The following IL1R2 variants were observed in gnomAD, a reference collection of about 807,000 sequenced individuals.
IL1R2 encodes the protein interleukin 1 receptor type 2.
In IL1R2, 46 loss-of-function variants were observed where a neutral mutation model predicts 39.5. That is an observed-to-expected ratio of 1.16 (90% CI 0.92 to 1.49). The LOEUF (loss-of-function observed/expected upper bound fraction) is 1.49, where lower values mean the gene tolerates loss of function less well. Among genes scored for constraint, IL1R2 ranks in the 40% most tolerant of loss-of-function variants. The pLI, the probability that IL1R2 is intolerant of heterozygous loss-of-function variation, is 0.00. For synonymous variants in IL1R2, 207 were observed against 189.6 expected, an observed-to-expected ratio of 1.09 and a Z score of -0.75; for missense variants, 537 against 502.0, an observed-to-expected ratio of 1.07 and a Z score of -0.67.
At chr2:102,020,502 A>G (rs959065984) in intron 5 of IL1R2, among the ~76,000 whole-genome samples, 4 of 152,356 alleles carry the variant, frequency 2.6e-5, no homozygotes, top group African/African-American at 4.8e-5. Flanking sequence ...TTTATACTGA[A>G]TAATGATCAC....
intron 4 of IL1R2, among the ~76,000 whole-genome samples, chr2:102,016,903 T>C (rs933879285): frequency 6.6e-6 from 1 of 152,216 alleles, no homozygotes; most frequent in Non-Finnish European, 1.5e-5. Flanking sequence ...GATGACTGTA[T>C]TTTAAAGAAT....
chr2:102,026,424 G>A (rs976573513), intron 8 of IL1R2, among the ~76,000 whole-genome samples, 171 bp downstream of exon 8: 2 of 152,204 alleles, frequency 1.3e-5, no homozygotes, highest in East Asian at 1.9e-4. Flanking sequence ...TTGGTAGGGT[G>A]GAGGCTGGAC....
intron 5 of IL1R2, among the ~76,000 whole-genome samples, chr2:102,020,329 A>G (rs1277049227): frequency 6.6e-6 from 1 of 152,200 alleles, no homozygotes; most frequent in Non-Finnish European, 1.5e-5. Flanking sequence ...GCCATTGATT[A>G]AAAGGAGTTT....
At chr2:102,011,213 T>C (rs1676610287) in intron 3 of IL1R2, among the ~76,000 whole-genome samples, 1 of 152,228 alleles carries the variant, frequency 6.6e-6, no homozygotes, top group Non-Finnish European at 1.5e-5. Flanking sequence ...TGTGAAGATA[T>C]CTGTTCAAAT....
rs1441195989 is a variant in IL1R2, at chr2:102,026,252, A to C, written c.1029A>C (p.Glu343Asp). The C allele has an allele frequency of 1.2e-6, 2 of 1,607,642 alleles. No homozygotes were observed. The highest frequency in any genetic ancestry group is 1.7e-6 in the Non-Finnish European group (2 of 1,177,362). The change falls in exon 8 of 9, where the codon GAA (glutamate) becomes GAC (aspartate). Residue 343 changes from glutamate to aspartate, a missense_variant and splice_region_variant. Glu to Asp is a conservative substitution (Grantham distance 45). Coordinates refer to ENST00000332549, the MANE Select transcript of IL1R2 (RefSeq NM_004633.4). Reference protein sequence around the residue: ...SFQTLRTTVKEASSTFSWGIV... With the variant: ...SFQTLRTTVKDASSTFSWGIV... ...AGACACTACGCACCACAGTCAAGGA[A>C]GGTATGTATGTATTTTGGGGAGCAC...
In IL1R2 at chr2:102,015,972, CA is replaced by C; in HGVS notation, c.436del (p.Thr146ProfsTer5). 1 of 1,613,938 alleles carries C rather than the reference CA, an allele frequency of 6.2e-7. No homozygotes were observed. The highest frequency in any genetic ancestry group is 8.5e-7 in the Non-Finnish European group (1 of 1,179,796). On this transcript the variant is annotated frameshift_variant, in exon 4 of 9. Coordinates refer to ENST00000332549, the MANE Select transcript of IL1R2 (RefSeq NM_004633.4). LOFTEE classifies it high-confidence loss of function. ...TCATACCCGCAAATTTTAACCTTGT[CA>C]ACCTCTGGGGTATTAGTATGCCCTG... ...FISYPQILTL[S>X]TSGVLVCPDL...
At chr2:101,998,463 T>G (rs1018513416) in intron 1 of IL1R2, among the ~76,000 whole-genome samples, 1 of 152,258 alleles carries the variant, frequency 6.6e-6, no homozygotes. Flanking sequence ...TCACCTGTTG[T>G]TGCATGAAAA....
chr2:102,010,541 G>A (rs909039337), intron 3 of IL1R2, among the ~76,000 whole-genome samples: 6 of 150,414 alleles, frequency 4.0e-5, no homozygotes, highest in Non-Finnish European at 5.9e-5. Context: ...GAGCCACTGC[G>A]CTCCAGGCTG....
intron 5 of IL1R2, among the ~76,000 whole-genome samples, chr2:102,020,987 G>C (rs941881706): frequency 3.3e-5 from 5 of 152,180 alleles, no homozygotes; most frequent in African/African-American, 1.2e-4. Context: ...CAAGCCCCCG[G>C]GTGATGCTGG....
At chr2:102,009,499 G>A in intron 2 of IL1R2, 63 bp from the exon 3 acceptor site, 1 of 1,554,222 alleles carries the variant, frequency 6.4e-7, no homozygotes. Flanking sequence ...CAGGTGCAGG[G>A]AGGTTTTATG....
chr2:101,995,700 T>C (rs1490031627), intron 1 of IL1R2, among the ~76,000 whole-genome samples: 1 of 152,190 alleles, frequency 6.6e-6, no homozygotes, highest in Admixed American at 6.5e-5. Context: ...AGTAGCTTCA[T>C]ACAACATGAG....
intron 1 of IL1R2, among the ~76,000 whole-genome samples, chr2:102,007,635 G>C (rs1000938784): frequency 6.6e-6 from 1 of 152,180 alleles, no homozygotes; most frequent in African/African-American, 2.4e-5. Context: ...AGAAAAAGCA[G>C]TCTGTGGTCT....
At chr2:102,011,602 G>T (rs541082417) in intron 3 of IL1R2, among the ~76,000 whole-genome samples, 2 of 152,252 alleles carry the variant, frequency 1.3e-5, no homozygotes, top group East Asian at 1.9e-4. Flanking sequence ...ACTGCATTTT[G>T]CTGTTGTTGT....
intron 1 of IL1R2, among the ~76,000 whole-genome samples, chr2:101,998,506 A>G (rs148586670): frequency 0.018 from 2,688 of 152,286 alleles, 37 homozygotes; most frequent in Middle Eastern, 0.031. Context: ...TAAAAATGAC[A>G]ACTATTTTAT....
chr2:102,024,475 G>A, intron 6 of IL1R2, 58 bp from the exon 7 acceptor site: 1 of 1,267,714 alleles, frequency 7.9e-7, no homozygotes. Context: ...GCTCAGGTTT[G>A]CTGGTGGGTG....
intron 1 of IL1R2, chr2:101,998,909 G>A (rs979994542): frequency 2.6e-5 from 4 of 152,208 alleles, no homozygotes; most frequent in Admixed American, 2.0e-4. Flanking sequence ...GTTACACCAA[G>A]TTACAGGCCA....
chr2:102,010,214 T>C (rs909413491), intron 3 of IL1R2: 4 of 192,350 alleles, frequency 2.1e-5, no homozygotes, highest in Admixed American at 5.4e-5. Flanking sequence ...TTGGTCTATG[T>C]TGTTCACTGT....
intron 5 of IL1R2, among the ~76,000 whole-genome samples, chr2:102,021,368 T>A (rs866441515): frequency 6.8e-6 from 1 of 147,174 alleles, no homozygotes; most frequent in Non-Finnish European, 1.5e-5. Flanking sequence ...CAGGCTGGAG[T>A]GCAATGGCGC....
intron 1 of IL1R2, among the ~76,000 whole-genome samples, chr2:101,993,125 C>G (rs1577669884): frequency 2.0e-5 from 3 of 152,100 alleles, no homozygotes; most frequent in Middle Eastern, 3.4e-3. Context: ...TCCTTAGAAG[C>G]CTCATGAGAT....
Sources: gnomAD v4.1 joint callset for allele counts (sites outside exome capture counted in the v4.1 genomes callset) on GRCh38, gnomAD v4.1.1 for gene constraint, MANE v1.5 for transcripts, NCBI Gene and HGNC (gene_info 2026-07-23, HGNC 2026-07-21) for gene names.